Variants in SLC24A3 observed in about 807,000 individuals in gnomAD.
The protein encoded by SLC24A3 is solute carrier family 24 member 3, also known as sodium/potassium/calcium exchanger 3.
A neutral mutation model predicts 75.8 loss-of-function variants in SLC24A3; 28 were observed. The ratio of observed to expected loss-of-function variants is 0.37; its 90% confidence interval spans 0.27 to 0.51. The LOEUF (loss-of-function observed/expected upper bound fraction) is 0.51. Among genes scored for constraint, SLC24A3 ranks in the 20% least tolerant of loss-of-function variants. SLC24A3 has a pLI of 0.94. For synonymous variants in SLC24A3, 372 were observed against 334.1 expected (o/e 1.11, Z -1.24); for missense variants, 663 against 847.8 (o/e 0.78, Z 2.71).
intron 2 of SLC24A3, among the ~76,000 whole-genome samples, chr20:19,401,546 A>C (rs1286967428): frequency 6.6e-6 from 1 of 152,226 alleles, no homozygotes; most frequent in Non-Finnish European, 1.5e-5. Flanking sequence ...TGAACAAGGA[A>C]AGGTTAATTG....
chr20:19,477,588 A>T (rs1987982620), intron 2 of SLC24A3, among the ~76,000 whole-genome samples: 1 of 152,184 alleles, frequency 6.6e-6, no homozygotes, highest in Non-Finnish European at 1.5e-5. Flanking sequence ...GTTCAGCATC[A>T]CAGACACCAC....
chr20:19,323,192 C>G (rs1326715669), intron 2 of SLC24A3, among the ~76,000 whole-genome samples: 2 of 122,044 alleles, frequency 1.6e-5, no homozygotes, highest in South Asian at 2.5e-4. Context: ...GGCGACAGAG[C>G]GAGACTCCGT....
At chr20:19,433,781 G>A (rs900085380) in intron 2 of SLC24A3, among the ~76,000 whole-genome samples, 3 of 152,228 alleles carry the variant, frequency 2.0e-5, no homozygotes, top group South Asian at 4.1e-4. Context: ...ACTGATTACC[G>A]TCTCATCTTA....
intron 2 of SLC24A3, among the ~76,000 whole-genome samples, chr20:19,307,872 C>G (rs1984368330): frequency 6.6e-6 from 1 of 152,192 alleles, no homozygotes; most frequent in East Asian, 1.9e-4. Flanking sequence ...AGGAGTCCAC[C>G]TTGGGACCAA....
At chr20:19,678,904 G>A (rs1056552971) in intron 9 of SLC24A3, among the ~76,000 whole-genome samples, 6 of 151,656 alleles carry the variant, frequency 4.0e-5, no homozygotes, top group African/African-American at 9.7e-5. Context: ...CATCCGAAAC[G>A]GAGCGGCGGG....
At chr20:19,484,922 C>CTT (rs1988108395) in intron 2 of SLC24A3, among the ~76,000 whole-genome samples, 1 of 152,086 alleles carries the variant, frequency 6.6e-6, no homozygotes, top group African/African-American at 2.4e-5. Flanking sequence ...CTGAAAGATA[C>CTT]TCAGTCTCCT....
At chr20:19,396,887 G>C (rs1002138983) in intron 2 of SLC24A3, among the ~76,000 whole-genome samples, 1 of 152,158 alleles carries the variant, frequency 6.6e-6, no homozygotes, top group East Asian at 1.9e-4. Flanking sequence ...CCTCATGTGT[G>C]AATGTTCTTT....
At chr20:19,514,151 G>A (rs907092919) in intron 2 of SLC24A3, among the ~76,000 whole-genome samples, 2 of 152,200 alleles carry the variant, frequency 1.3e-5, no homozygotes, top group Non-Finnish European at 2.9e-5. Flanking sequence ...CCGATGGCTT[G>A]TGTCTTGCAC....
chr20:19,686,134 G>A (rs990503367), intron 12 of SLC24A3, among the ~76,000 whole-genome samples: 3 of 152,192 alleles, frequency 2.0e-5, no homozygotes, highest in African/African-American at 7.2e-5. Context: ...CTGTTCTGCA[G>A]GAACTTTTGG....
At chr20:19,544,733 C>T (rs1265612522) in intron 3 of SLC24A3, among the ~76,000 whole-genome samples, 2 of 152,170 alleles carry the variant, frequency 1.3e-5, no homozygotes, top group Admixed American at 1.3e-4. Flanking sequence ...CAAGTGATTC[C>T]TCTTTCTCTC....
Position 19,421,832 on chromosome 20 carries a change from C to T in SLC24A3, c.272-93656C>T, listed in dbSNP as rs558187412. On this transcript the variant is annotated intron_variant, in intron 2 of 16. Transcript: ENST00000328041. ...GGAAGAAGAGGGGCCAGGCTTCTCCCTTCTGCAAAATGCACGAACTTCCGG... is the reference window on the plus strand; with the variant it reads ...GGAAGAAGAGGGGCCAGGCTTCTCCTTTCTGCAAAATGCACGAACTTCCGG... 5.9e-5 allele frequency among the ~76,000 whole-genome samples: 9 copies of T among 152,324 alleles called. No homozygotes were observed. In the East Asian group the frequency reaches 1.5e-3, roughly 26 times the overall value.
At chr20:19,474,071 C>G (rs1301494190) in intron 2 of SLC24A3, among the ~76,000 whole-genome samples, 1 of 152,348 alleles carries the variant, frequency 6.6e-6, no homozygotes, top group Admixed American at 6.5e-5. Flanking sequence ...CAACACGGGT[C>G]CCTGAGGGAG....
intron 3 of SLC24A3, among the ~76,000 whole-genome samples, chr20:19,569,621 C>T (rs566755636): frequency 2.6e-5 from 4 of 152,186 alleles, no homozygotes; most frequent in Non-Finnish European, 4.4e-5. Context: ...TGATGGGAAG[C>T]TGTGACAGGA....
chr20:19,249,415 T>C (rs1982587676), intron 1 of SLC24A3, among the ~76,000 whole-genome samples: 1 of 152,252 alleles, frequency 6.6e-6, no homozygotes. Context: ...ACTTTCTTCA[T>C]TTGTGTTGTT....
intron 2 of SLC24A3, among the ~76,000 whole-genome samples, chr20:19,301,357 T>TA (rs1984191603): frequency 6.6e-6 from 1 of 152,210 alleles, no homozygotes; most frequent in Non-Finnish European, 1.5e-5. Flanking sequence ...CAGCTCCTCT[T>TA]AAGACCGTAA....
chr20:19,306,447 A>G (rs894350870), intron 2 of SLC24A3, among the ~76,000 whole-genome samples: 3 of 152,234 alleles, frequency 2.0e-5, no homozygotes, highest in African/African-American at 7.2e-5. Context: ...CATGAAATCA[A>G]CCTAGGTGTC....
chr20:19,493,062 G>T (rs1988230793), intron 2 of SLC24A3, among the ~76,000 whole-genome samples: 1 of 152,252 alleles, frequency 6.6e-6, no homozygotes, highest in Non-Finnish European at 1.5e-5. Flanking sequence ...GAGGTTGCTT[G>T]TGAGGCTGCT....
At chr20:19,380,726 A>G (rs1010534024) in intron 2 of SLC24A3, among the ~76,000 whole-genome samples, 3 of 152,190 alleles carry the variant, frequency 2.0e-5, no homozygotes. Context: ...GAGAGGGGGT[A>G]CCATATGCCA....
intron 2 of SLC24A3, among the ~76,000 whole-genome samples, chr20:19,503,923 T>C (rs1449308934): frequency 1.3e-5 from 2 of 152,182 alleles, no homozygotes; most frequent in African/African-American, 2.4e-5. Flanking sequence ...CAAAATGATA[T>C]CAGGAATCAC....
Sources: gnomAD v4.1 joint callset for allele counts (sites outside exome capture counted in the v4.1 genomes callset) on GRCh38, gnomAD v4.1.1 for gene constraint, MANE v1.5 for transcripts, NCBI Gene and HGNC (gene_info 2026-07-23, HGNC 2026-07-21) for gene names.